KCNQ1: variants seen among roughly 807,000 people sequenced by gnomAD.
KCNQ1 encodes the protein potassium voltage-gated channel subfamily KQT member 1.
In KCNQ1, 49 loss-of-function variants were observed where a neutral mutation model predicts 72.4. The observed-to-expected ratio is 0.68, with a 90% CI of 0.54 to 0.86. The LOEUF (loss-of-function observed/expected upper bound fraction) is 0.86. Ranked by LOEUF, KCNQ1 falls within the 40% of genes least tolerant of loss-of-function variation. The probability of loss-of-function intolerance (pLI) is 0.00; values close to 1 mark genes in which losing one functional copy is unlikely to be tolerated. For missense variants in KCNQ1, 790 were observed against 945.1 expected (o/e 0.84, Z 2.15); for synonymous variants, 450 against 412.6 (o/e 1.09, Z -1.10).
At position 2,544,288 on chromosome 11, in the gene KCNQ1, A is replaced by ATGTG. The variant is rs779411066; in HGVS notation, c.477+16271_477+16272insGTGT. 1.4e-5 allele frequency among the ~76,000 whole-genome samples: 2 copies of ATGTG among 141,744 alleles called. No individual in the cohort carries two copies. The highest frequency in any genetic ancestry group is 4.3e-4 in the East Asian group (2 of 4,628). 93.0% of individuals were successfully genotyped at this position (141,744 alleles called of 152,430 possible). A position where few individuals can be genotyped will look rare whatever the true frequency, so the allele number is the denominator to read the frequency against. The stretch of plus-strand genomic sequence containing the variant: ...TGTGTGTGTATATATATGTGTATAT[A>ATGTG]TATATGTATATATGTGTATATATGT... On this transcript the variant is annotated intron_variant, in intron 2 of 15. Transcript: ENST00000155840. This position sits in a 1 kb window ranked among gnomAD's most constrained non-coding sequence, Gnocchi z 4.4.
In KCNQ1 at chr11:2,674,238, G is replaced by A. The variant is rs1590023427; in HGVS notation, c.1514+12157G>A. 1 of 398,752 alleles carries A rather than the reference G, an allele frequency of 2.5e-6. No individual in the cohort carries two copies. Among genetic ancestry groups the A allele is most frequent in the East Asian group, 3.6e-5 (1 of 28,064 alleles). 24.7% of individuals were successfully genotyped at this position (398,752 alleles called of 1,614,324 possible). ...CTTGGGGCCCAGATAGATGTGAGCAGAGCTGGAGGCCCCTCTCTCCCAGCC... is the reference window on the plus strand; with the variant it reads ...CTTGGGGCCCAGATAGATGTGAGCAAAGCTGGAGGCCCCTCTCTCCCAGCC... On this transcript the variant is annotated intron_variant, in intron 11 of 15. Coordinates refer to ENST00000155840, the MANE Select transcript of KCNQ1 (RefSeq NM_000218.3). The surrounding 1 kb of genome is among the most constrained non-coding windows in gnomAD (Gnocchi z 5.9).
rs144399150 is a variant in KCNQ1 at position 2,733,774 on chromosome 11, CCA to C, written c.1515-35030_1515-35029del. 1.8e-3 allele frequency among the ~76,000 whole-genome samples: 105 copies of C among 57,568 alleles called. 1 individual carries two copies. Among genetic ancestry groups the C allele is most frequent in the Admixed American group, 0.011 (57 of 5,272 alleles). 37.8% of individuals were successfully genotyped at this position (57,568 alleles called of 152,430 possible). ...GGGCAGGAGGGGGACTTCAGGCCTT[CCA>C]CACACACACACACACACACACACAC... is the stretch of plus-strand genomic sequence containing the variant. On this transcript the variant is annotated intron_variant, in intron 11 of 15. Transcript: ENST00000155840.
chr11:2,772,701 G>A lies in KCNQ1; in HGVS notation c.1591-3259G>A, dbSNP rs193248184. On this transcript the variant is annotated intron_variant, in intron 12 of 15. Coordinates refer to ENST00000155840, the MANE Select transcript of KCNQ1 (RefSeq NM_000218.3). The surrounding 1 kb of genome is among the most constrained non-coding windows in gnomAD (Gnocchi z 6.6). ...CCCACCCAGCCCTGCTCCTGCAGAC[G>A]TGCACACACTCAGGTACATAATACT... Among the ~76,000 whole-genome samples, 25 of 152,244 alleles carry A rather than the reference G, an allele frequency of 1.6e-4. No individual in the cohort carries two copies. Among genetic ancestry groups the A allele is most frequent in the East Asian group, 5.8e-4 (3 of 5,186 alleles).
At position 2,538,435 on chromosome 11, in the gene KCNQ1, G is replaced by A. The variant is rs978389595; in HGVS notation, c.477+10417G>A. ...GCAGCAGGCAGGCTGTCTCCACCAC[G>A]ATGGACATCATTTATGCCCCAGCCA... On this transcript the variant is annotated intron_variant, in intron 2 of 15. Transcript: ENST00000155840. The surrounding 1 kb of genome is among the most constrained non-coding windows in gnomAD (Gnocchi z 6.7). Among the ~76,000 whole-genome samples, 1 of 152,178 alleles carries A rather than the reference G, an allele frequency of 6.6e-6. No individual in the cohort carries two copies. The highest frequency in any genetic ancestry group is 2.4e-5 in the African/African-American group (1 of 41,446).
At position 2,537,059 on chromosome 11, in the gene KCNQ1, T is replaced by TGCA. The variant is rs1847744852; in HGVS notation, c.477+9042_477+9043insCAG. ...ACTCCACTGTGACCCCCCTCCTAAC[T>TGCA]GATCATATCTGCAGGGACCCCATTT... is the stretch of plus-strand genomic sequence containing the variant. On this transcript the variant is annotated intron_variant, in intron 2 of 15. Transcript: ENST00000155840. The surrounding 1 kb of genome is among the most constrained non-coding windows in gnomAD (Gnocchi z 5.2). Among the ~76,000 whole-genome samples, 1 of 151,992 alleles carries TGCA rather than the reference T, an allele frequency of 6.6e-6. No individual in the cohort carries two copies. The highest frequency in any genetic ancestry group is 2.4e-5 in the African/African-American group (1 of 41,272).
Position 2,479,252 on chromosome 11 carries a change from C to A in KCNQ1, c.386+33768C>A, listed in dbSNP as rs184105975. On this transcript the variant is annotated intron_variant, in intron 1 of 15. Coordinates refer to ENST00000155840, the MANE Select transcript of KCNQ1 (RefSeq NM_000218.3). The surrounding 1 kb of genome is among the most constrained non-coding windows in gnomAD (Gnocchi z 4.6). ...CAGTGGCCCTCTTCTCACAGCTCCA[C>A]TAGGCAGTGCCCCAGTGGGGACTTT... Among the ~76,000 whole-genome samples the A allele has an allele frequency of 0.011, 1,701 of 152,332 alleles. 15 individuals are homozygous for A. The highest frequency in any genetic ancestry group is 0.02 in the Non-Finnish European group (1,371 of 68,026).
chr11:2,489,819 A>G (rs2412093), intron 1 of KCNQ1, among the ~76,000 whole-genome samples: 119,580 of 152,144 alleles, frequency 0.79, 47,019 homozygotes, highest in African/African-American at 0.8. Flanking sequence ...GTCTTGTCAG[A>G]ATTCATCATC....
At position 2,526,997 on chromosome 11, in the gene KCNQ1, G is replaced by A. The variant is rs531955381; in HGVS notation, c.387-931G>A. On this transcript the variant is annotated intron_variant, in intron 1 of 15. Transcript: ENST00000155840. This position sits in a 1 kb window ranked among gnomAD's most constrained non-coding sequence, Gnocchi z 6.1. The stretch of plus-strand genomic sequence containing the variant: ...CACGGGGGTCCCTGGAGTCTCCGGA[G>A]CCCGTGGGAATCCCCCTAGAGGCGG... 1.2e-4 allele frequency among the ~76,000 whole-genome samples: 18 copies of A among 152,262 alleles called. No homozygotes were observed. In the East Asian group the frequency reaches 3.1e-3, roughly 26 times the overall value.
At position 2,674,936 on chromosome 11, in the gene KCNQ1, C is replaced by T. The variant is rs905012447; in HGVS notation, c.1514+12855C>T. On this transcript the variant is annotated intron_variant, in intron 11 of 15. Transcript: ENST00000155840. This position sits in a 1 kb window ranked among gnomAD's most constrained non-coding sequence, Gnocchi z 5.9. ...CCAGCTGCAGAGTTTTTCCAGGCCTCGCTTCTGGGGCTGACTGGAGCTGTT... is the reference window on the plus strand; with the variant it reads ...CCAGCTGCAGAGTTTTTCCAGGCCTTGCTTCTGGGGCTGACTGGAGCTGTT... The T allele has an allele frequency of 1.5e-5, 6 of 397,868 alleles. No homozygotes were observed. Among genetic ancestry groups the T allele is most frequent in the South Asian group, 2.5e-4 (2 of 7,844 alleles). 24.6% of individuals were successfully genotyped at this position (397,868 alleles called of 1,614,324 possible).
chr11:2,584,666 T>A (rs761739131), intron 7 of KCNQ1, among the ~76,000 whole-genome samples: 1 of 151,948 alleles, frequency 6.6e-6, no homozygotes, highest in Non-Finnish European at 1.5e-5. Context: ...TGTTAGTGTG[T>A]GGGTTAGTGT....
chr11:2,630,520 C>T (rs985351308), intron 10 of KCNQ1: 2 of 398,180 alleles, frequency 5.0e-6, no homozygotes, highest in Non-Finnish European at 8.9e-6. Context: ...CCAAGGTACA[C>T]CTTTTAATAT....
At chr11:2,758,577 A>G (rs1846339712) in intron 11 of KCNQ1, among the ~76,000 whole-genome samples, 1 of 152,212 alleles carries the variant, frequency 6.6e-6, no homozygotes, top group Non-Finnish European at 1.5e-5. Context: ...AAAGAAACGA[A>G]GACTCATATT....
At chr11:2,705,768 A>G (rs1850900425) in intron 11 of KCNQ1, among the ~76,000 whole-genome samples, 1 of 152,230 alleles carries the variant, frequency 6.6e-6, no homozygotes, top group Non-Finnish European at 1.5e-5. Context: ...AGGTGTTAAC[A>G]AAAAGCCCCA....
intron 15 of KCNQ1, among the ~76,000 whole-genome samples, chr11:2,788,737 G>A (rs1177594380): frequency 6.6e-6 from 1 of 152,192 alleles, no homozygotes; most frequent in Non-Finnish European, 1.5e-5. Context: ...TTCCTGAGGA[G>A]CCGTCTTAGT....
chr11:2,572,156 C>T (rs370720389), intron 5 of KCNQ1, 47 bp downstream of exon 5: 332 of 1,434,560 alleles, frequency 2.3e-4, no homozygotes, highest in African/African-American at 1.9e-3. Context: ...GGGGACAGGA[C>T]GGAGGGAGCA....
chr11:2,545,861 T>A (rs1162388839), intron 2 of KCNQ1, among the ~76,000 whole-genome samples: 1 of 152,228 alleles, frequency 6.6e-6, no homozygotes, highest in African/African-American at 2.4e-5. Flanking sequence ...TTTGTAGCAA[T>A]GTCTCTTCTC....
intron 2 of KCNQ1, among the ~76,000 whole-genome samples, chr11:2,540,003 C>T (rs766329910): frequency 3.3e-5 from 5 of 152,150 alleles, no homozygotes; most frequent in Non-Finnish European, 5.9e-5. Context: ...GCAGGCCGGG[C>T]GCAGGCAGGC....
At chr11:2,510,292 T>TG (rs1847177835) in intron 1 of KCNQ1, among the ~76,000 whole-genome samples, 1 of 141,418 alleles carries the variant, frequency 7.1e-6, no homozygotes, top group South Asian at 2.2e-4. Flanking sequence ...AAAAAAAAAA[T>TG]TTTTAAATAA....
In KCNQ1 at chr11:2,492,824, G is replaced by T. The variant is rs746787060; in HGVS notation, c.387-35104G>T. Among the ~76,000 whole-genome samples the T allele has an allele frequency of 6.6e-6, 1 of 152,230 alleles. No individual in the cohort carries two copies. The highest frequency in any genetic ancestry group is 1.5e-5 in the Non-Finnish European group (1 of 68,048). On this transcript the variant is annotated intron_variant, in intron 1 of 15. Transcript: ENST00000155840. The surrounding 1 kb of genome is among the most constrained non-coding windows in gnomAD (Gnocchi z 4.1). ...TGGTGCAGTAAACATATGTGTGCAT[G>T]TGTCTTTATAGTAGAATGATTTATA...
Sources: allele counts gnomAD v4.1 joint callset (sites outside exome capture counted in the v4.1 genomes callset), GRCh38; gene constraint gnomAD v4.1.1; non-coding constraint Gnocchi (gnomAD v3.1); transcripts MANE v1.5; gene names NCBI Gene and HGNC (gene_info 2026-07-23, HGNC 2026-07-21).